Variants in C9orf85 observed in about 807,000 individuals in gnomAD.
The protein encoded by C9orf85 is uncharacterized protein C9orf85.
A neutral mutation model predicts 14.9 loss-of-function variants in C9orf85; 16 were observed. The observed-to-expected ratio is 1.08, with a 90% CI of 0.73 to 1.63. The LOEUF (loss-of-function observed/expected upper bound fraction) is 1.63, where lower values mean the gene tolerates loss of function less well. Ranked by LOEUF, C9orf85 falls within the 40% of genes most tolerant of loss-of-function variation. The pLI is 0.00. For missense variants in C9orf85, 172 were observed against 186.1 expected, an observed-to-expected ratio of 0.92 and a Z score of 0.44; for synonymous variants, 45 against 56.8, an observed-to-expected ratio of 0.79 and a Z score of 0.93.
chr9:71,936,918 C>A (rs1009399134), intron 1 of C9orf85, among the ~76,000 whole-genome samples: 1 of 151,942 alleles, frequency 6.6e-6, no homozygotes, highest in African/African-American at 2.4e-5. Flanking sequence ...ACCACCTTGC[C>A]TGGCTAATTT....
chr9:71,969,530 T>C (rs572400827), intron 2 of C9orf85, among the ~76,000 whole-genome samples: 1 of 152,348 alleles, frequency 6.6e-6, no homozygotes, highest in East Asian at 1.9e-4. Flanking sequence ...ATGAATTATA[T>C]TGATCTTTTC....
chr9:71,972,735 C>CT lies in C9orf85; in HGVS notation c.368dup (p.Ser124LysfsTer5). The CT allele has an allele frequency of 1.1e-5, 18 of 1,603,110 alleles. No homozygotes were observed. The highest frequency in any genetic ancestry group is 1.5e-5 in the Non-Finnish European group (18 of 1,172,004). On this transcript the variant is annotated frameshift_variant, in exon 4 of 4. Transcript: ENST00000334731. LOFTEE classifies it low-confidence loss of function (END_TRUNC). ...AAAAATAGAACATACTGAAAATAAT[C>CT]TAAGTTCCAACCATAGAAGAAGCTG...
chr9:71,951,321 G>T (rs1174879624), intron 2 of C9orf85, among the ~76,000 whole-genome samples: 1 of 152,164 alleles, frequency 6.6e-6, no homozygotes, highest in South Asian at 2.1e-4. Context: ...GGGATAAAAA[G>T]CATCTCACTT....
chr9:71,928,626 G>A (rs537969586), intron 1 of C9orf85, among the ~76,000 whole-genome samples: 1 of 152,248 alleles, frequency 6.6e-6, no homozygotes, highest in Non-Finnish European at 1.5e-5. Context: ...CTCTTCACAT[G>A]AATACTGAGT....
intron 3 of C9orf85, among the ~76,000 whole-genome samples, chr9:71,978,511 A>G (rs1823043862): frequency 6.6e-6 from 1 of 152,218 alleles, no homozygotes; most frequent in African/African-American, 2.4e-5. Context: ...ACCTTGAGCA[A>G]AAGAATCCAG....
chr9:71,930,188 A>G (rs1246096778), intron 1 of C9orf85, among the ~76,000 whole-genome samples: 1 of 152,154 alleles, frequency 6.6e-6, no homozygotes, highest in African/African-American at 2.4e-5. Context: ...TTTTGTCTGG[A>G]CACCTGACCA....
chr9:71,982,410 G>C (rs1396748935), intron 3 of C9orf85, among the ~76,000 whole-genome samples: 1 of 152,028 alleles, frequency 6.6e-6, no homozygotes, highest in Admixed American at 6.6e-5. Flanking sequence ...TACCTAAGAG[G>C]GAGATTAGAT....
chr9:71,940,964 T>C (rs537563525), intron 1 of C9orf85, among the ~76,000 whole-genome samples: 1 of 152,284 alleles, frequency 6.6e-6, no homozygotes, highest in Non-Finnish European at 1.5e-5. Context: ...AGGAGCAGAT[T>C]TGAAATCATT....
chr9:71,943,279 T>A (rs1333384218), intron 1 of C9orf85, among the ~76,000 whole-genome samples: 1 of 151,896 alleles, frequency 6.6e-6, no homozygotes, highest in East Asian at 1.9e-4. Flanking sequence ...TGTTTTCAGT[T>A]AAGAGGAGTA....
At position 71,969,175 on chromosome 9, in the gene C9orf85, C is replaced by T. The variant is rs1195299578; in HGVS notation, c.210-2330C>T. Among the ~76,000 whole-genome samples the T allele has an allele frequency of 3.9e-5, 6 of 152,136 alleles. No individual in the cohort carries two copies. In the South Asian group the frequency reaches 1.0e-3, roughly 26 times the overall value. ...ATTCTTTGAAGAGAAACTTAGAACT[C>T]GCTGTGTTTAACACCCAGGCTGGAG... On this transcript the variant is annotated intron_variant, in intron 2 of 3. Transcript: ENST00000334731.
chr9:71,983,600 G>C (rs1340137300), downstream of C9orf85: 1 of 152,164 alleles, frequency 6.6e-6, no homozygotes, highest in African/African-American at 2.4e-5. Context: ...CTGCTGCCAC[G>C]CCTGGGCACA....
intron 1 of C9orf85, among the ~76,000 whole-genome samples, chr9:71,946,680 C>G (rs1388605480): frequency 6.6e-6 from 1 of 151,854 alleles, no homozygotes; most frequent in Non-Finnish European, 1.5e-5. Context: ...GTAATCCCAG[C>G]TACTCAGGAG....
At chr9:71,929,409 G>T (rs1358165916) in intron 1 of C9orf85, among the ~76,000 whole-genome samples, 2 of 152,186 alleles carry the variant, frequency 1.3e-5, no homozygotes, top group Non-Finnish European at 2.9e-5. Context: ...GTTGCCTCAT[G>T]ACACTATGCA....
At chr9:71,983,473 C>G (rs1823144260), downstream of C9orf85, 1 of 152,174 alleles carries the variant, frequency 6.6e-6, no homozygotes, top group African/African-American at 2.4e-5. Context: ...TATTTTCTCG[C>G]TGTCTGTAAT....
At chr9:71,941,862 A>G (rs1475424605) in intron 1 of C9orf85, 2 of 152,178 alleles carry the variant, frequency 1.3e-5, no homozygotes, top group Non-Finnish European at 2.9e-5. Context: ...GGATATGATG[A>G]GTATTAAGAA....
At chr9:71,968,795 T>G (rs1200273291) in intron 2 of C9orf85, among the ~76,000 whole-genome samples, 2 of 152,184 alleles carry the variant, frequency 1.3e-5, no homozygotes, top group African/African-American at 4.8e-5. Flanking sequence ...TTCTTATCCC[T>G]GACGCAGGTA....
Position 71,932,305 on chromosome 9 carries a change from C to CT in C9orf85, c.103-14698dup, listed in dbSNP as rs1403118217. Among the ~76,000 whole-genome samples the CT allele has an allele frequency of 2.0e-5, 3 of 152,238 alleles. No individual in the cohort carries two copies. In the East Asian group the frequency reaches 5.8e-4, roughly 29 times the overall value. ...CATAGAAGCTCATTCTATCTGAATTCTTTCTTGGCATTAATCATACCTTGC... is the reference window on the plus strand; with the variant it reads ...CATAGAAGCTCATTCTATCTGAATTCTTTTCTTGGCATTAATCATACCTTGC... On this transcript the variant is annotated intron_variant, in intron 1 of 3. Transcript: ENST00000334731.
At chr9:71,925,935 C>T (rs1378221887) in intron 1 of C9orf85, among the ~76,000 whole-genome samples, 2 of 151,982 alleles carry the variant, frequency 1.3e-5, no homozygotes, top group Non-Finnish European at 2.9e-5. Flanking sequence ...TAGAATAATG[C>T]CAAGATAGAA....
Position 71,947,111 on chromosome 9 carries a change from T to G in C9orf85, c.208T>G (p.Cys70Gly), listed in dbSNP as rs773607141. Residue 70 changes from cysteine (C) to glycine (G), a missense_variant and splice_region_variant, in exon 2 of 4, where the codon TGT (cysteine) becomes GGT (glycine). Physicochemically the swap from Cys to Gly is radical, Grantham distance 159. Coordinates refer to ENST00000334731, the MANE Select transcript of C9orf85 (RefSeq NM_182505.5). Reference sequence around the variant, plus strand: ...CAAACCATTATCAAAACCTAAAAAGTGGTGAGTTAAGATTCTTCATTACCT... The same window carrying G: ...CAAACCATTATCAAAACCTAAAAAGGGGTGAGTTAAGATTCTTCATTACCT... Reference protein sequence around the residue: ...KYKPLSKPKKCVKCLQKTVKD... With the variant: ...KYKPLSKPKKGVKCLQKTVKD... 3.7e-6 allele frequency: 6 copies of G among 1,604,048 alleles called. No homozygotes were observed. The African/African-American group carries it at 6.7e-5, about 18-fold the overall frequency.
Sources: gnomAD v4.1 joint callset for allele counts (sites outside exome capture counted in the v4.1 genomes callset) on GRCh38, gnomAD v4.1.1 for gene constraint, MANE v1.5 for transcripts, NCBI Gene and HGNC (gene_info 2026-07-23, HGNC 2026-07-21) for gene names.